The following CLCN3 variants were observed in gnomAD, a reference collection of about 807,000 sequenced individuals.
CLCN3 encodes the protein Cl-/H+ antiporter 3, also known as H(+)/Cl(-) exchange transporter 3.
Under a neutral mutation model 83.4 loss-of-function variants are expected in CLCN3, and 16 were observed. The observed-to-expected ratio is 0.19, with a 90% confidence interval of 0.13 to 0.29. The LOEUF is 0.29. Ranked by LOEUF, CLCN3 falls within the 10% of genes least tolerant of loss-of-function variation. The pLI, the probability that CLCN3 is intolerant of heterozygous loss-of-function variation, is 1.00. For synonymous variants in CLCN3, 322 were observed against 346.2 expected, an observed-to-expected ratio of 0.93 and a Z score of 0.78; for missense variants, 544 against 1,006.0, an observed-to-expected ratio of 0.54 and a Z score of 6.21.
intron 11 of CLCN3, among the ~76,000 whole-genome samples, chr4:169,711,131 A>G (rs950877573): frequency 2.0e-5 from 3 of 152,230 alleles, no homozygotes; most frequent in African/African-American, 7.2e-5. Flanking sequence ...GTTGCTTACA[A>G]AAACTACAGA....
intron 2 of CLCN3, among the ~76,000 whole-genome samples, chr4:169,651,553 C>T (rs1730731680): frequency 1.3e-5 from 2 of 152,190 alleles, no homozygotes; most frequent in Admixed American, 6.5e-5. Context: ...CACCTACACA[C>T]ATCCTCTTAT....
At chr4:169,665,959 C>T (rs1038293693) in intron 2 of CLCN3, among the ~76,000 whole-genome samples, 22 of 150,418 alleles carry the variant, frequency 1.5e-4, no homozygotes, top group African/African-American at 3.4e-4. Context: ...CAGTTTAAGG[C>T]GCAGCAATTA....
At chr4:169,673,529 T>C (rs1197135424) in intron 2 of CLCN3, among the ~76,000 whole-genome samples, 1 of 152,208 alleles carries the variant, frequency 6.6e-6, no homozygotes, top group East Asian at 1.9e-4. Flanking sequence ...GCTAGCGATG[T>C]ATTATGGATA....
In CLCN3 at chr4:169,722,884, A is replaced by T. The variant is rs1733683574; in HGVS notation, c.*2887A>T. 6.6e-6 allele frequency: 1 copy of T among 152,150 alleles called. No individual in the cohort carries two copies. Among genetic ancestry groups the T allele is most frequent in the Non-Finnish European group, 1.5e-5 (1 of 68,022 alleles). 9.4% of individuals were successfully genotyped at this position (152,150 alleles called of 1,614,324 possible). A position where few individuals can be genotyped will look rare whatever the true frequency, so the allele number is the denominator to read the frequency against. ...AAATAATGAAATAGTGGAGACCATG[A>T]AATTGTTGTGCCTGGCTAATTGGCA... On this transcript the variant is annotated 3_prime_UTR_variant, in exon 13 of 13. Coordinates refer to ENST00000513761, the MANE Select transcript of CLCN3 (RefSeq NM_001829.4).
chr4:169,624,378 C>T (rs183336297), intron 1 of CLCN3, among the ~76,000 whole-genome samples: 49 of 152,278 alleles, frequency 3.2e-4, no homozygotes, highest in Admixed American at 5.9e-4. Context: ...AGGTGATCGA[C>T]CCGCCTCGGC....
At chr4:169,652,480 A>C (rs1730757624) in intron 2 of CLCN3, among the ~76,000 whole-genome samples, 1 of 152,176 alleles carries the variant, frequency 6.6e-6, no homozygotes, top group African/African-American at 2.4e-5. Context: ...GTTGCTCTAA[A>C]CTATTATATA....
intron 2 of CLCN3, among the ~76,000 whole-genome samples, chr4:169,671,450 G>A (rs889931077): frequency 6.6e-6 from 1 of 152,116 alleles, no homozygotes; most frequent in African/African-American, 2.4e-5. Context: ...CCTGTTGGAG[G>A]GTGGGGGACA....
intron 1 of CLCN3, among the ~76,000 whole-genome samples, chr4:169,624,149 T>C (rs945314717): frequency 1.3e-5 from 2 of 152,198 alleles, no homozygotes; most frequent in African/African-American, 4.8e-5. Flanking sequence ...TGACTTTTTT[T>C]TTGAGATAGA....
intron 2 of CLCN3, among the ~76,000 whole-genome samples, chr4:169,647,200 G>A (rs958532390): frequency 2.6e-5 from 4 of 152,072 alleles, no homozygotes; most frequent in African/African-American, 9.7e-5. Flanking sequence ...GACCAGCCTG[G>A]GCAATATGGC....
chr4:169,698,930 C>T (rs1248609521), intron 9 of CLCN3, among the ~76,000 whole-genome samples: 1 of 152,220 alleles, frequency 6.6e-6, no homozygotes, highest in Non-Finnish European at 1.5e-5. Flanking sequence ...AAGTCTTTCT[C>T]TTGTCTCATC....
chr4:169,677,138 A>G (rs1731712038), intron 2 of CLCN3, among the ~76,000 whole-genome samples: 1 of 151,922 alleles, frequency 6.6e-6, no homozygotes. Flanking sequence ...ATAATTTGTT[A>G]TATTATAAAA....
chr4:169,660,332 T>C, intron 2 of CLCN3: 1 of 1,376,788 alleles, frequency 7.3e-7, no homozygotes, highest in Non-Finnish European at 9.3e-7. Context: ...GCAAGCTTTT[T>C]CTTTTTCTTT....
At chr4:169,709,902 A>G (rs1271950490) in intron 11 of CLCN3, among the ~76,000 whole-genome samples, 1 of 151,984 alleles carries the variant, frequency 6.6e-6, no homozygotes, top group Non-Finnish European at 1.5e-5. Context: ...GATCAAGACC[A>G]GCTTGGGTAA....
chr4:169,704,122 A>C lies in CLCN3; in HGVS notation c.1688A>C (p.Glu563Ala). ...TGGTTTATCTTTAAGGAGTGGTGTG[A>C]GGTCGGGGCTGATTGCATTACACCT... is the stretch of plus-strand genomic sequence containing the variant. ...HDWFIFKEWCEVGADCITPGL... is the reference protein window; with the variant it reads ...HDWFIFKEWCAVGADCITPGL... The change falls in exon 10 of 13, where the codon GAG becomes GCG. Residue 563 changes from glutamate to alanine, a missense_variant. Glu to Ala is a moderately radical substitution (Grantham distance 107, BLOSUM62 -1). This residue lies in a region of CLCN3 where 194 missense variants were observed against 341.4 expected (regional missense o/e 0.57). Transcript: ENST00000513761. 2 of 1,613,922 alleles carry C rather than the reference A, an allele frequency of 1.2e-6. No homozygotes were observed. Among genetic ancestry groups the C allele is most frequent in the East Asian group, 2.2e-5 (1 of 44,874 alleles).
intron 2 of CLCN3, among the ~76,000 whole-genome samples, chr4:169,637,339 A>G (rs894978355): frequency 1.3e-5 from 2 of 152,016 alleles, no homozygotes; most frequent in African/African-American, 4.8e-5. Context: ...ATCAATTCTA[A>G]TGAAATCCAG....
At chr4:169,654,393 G>A (rs1184577121) in intron 2 of CLCN3, among the ~76,000 whole-genome samples, 1 of 151,558 alleles carries the variant, frequency 6.6e-6, no homozygotes, top group Non-Finnish European at 1.5e-5. Context: ...TTTCTTTTCT[G>A]TTTCATTAAT....
intron 1 of CLCN3, among the ~76,000 whole-genome samples, chr4:169,623,019 T>G (rs1401535847): frequency 1.3e-5 from 2 of 152,256 alleles, no homozygotes; most frequent in African/African-American, 4.8e-5. Flanking sequence ...TTCTTAAAGA[T>G]AAATCTTCAG....
intron 2 of CLCN3, among the ~76,000 whole-genome samples, chr4:169,666,699 T>A (rs997780305): frequency 6.6e-5 from 10 of 152,220 alleles, no homozygotes; most frequent in African/African-American, 2.4e-4. Context: ...AGTATACATG[T>A]AAACCAACAA....
At chr4:169,683,582 A>G (rs1266855184) in intron 3 of CLCN3, among the ~76,000 whole-genome samples, 1 of 152,164 alleles carries the variant, frequency 6.6e-6, no homozygotes, top group African/African-American at 2.4e-5. Context: ...TAGTATAGCA[A>G]TATATGAAGT....
Sources: gnomAD v4.1 joint callset for allele counts (sites outside exome capture counted in the v4.1 genomes callset) on GRCh38, gnomAD v4.1.1 for gene constraint, gnomAD v4.1.1 regional missense constraint, MANE v1.5 for transcripts, NCBI Gene and HGNC (gene_info 2026-07-23, HGNC 2026-07-21) for gene names.